MED12L: variants seen among roughly 807,000 people sequenced by gnomAD.
MED12L encodes the protein mediator complex subunit 12L.
Under a neutral mutation model 281.3 loss-of-function variants are expected in MED12L, and 60 were observed. The observed-to-expected ratio is 0.21, with a 90% CI of 0.17 to 0.26. The LOEUF (loss-of-function observed/expected upper bound fraction) is 0.26, where lower values mean the gene tolerates loss of function less well. MED12L is among the 10% of genes least tolerant of loss of function. The pLI, the probability that MED12L is intolerant of heterozygous loss-of-function variation, is 1.00. For synonymous variants in MED12L, 974 were observed against 987.2 expected, an observed-to-expected ratio of 0.99 and a Z score of 0.25; for missense variants, 2,146 against 2,680.9, an observed-to-expected ratio of 0.80 and a Z score of 4.41.
chr3:151,376,703 A>G (rs1756897712), intron 28 of MED12L, 97 bp from the exon 29 acceptor site: 1 of 987,446 alleles, frequency 1.0e-6, no homozygotes, highest in Non-Finnish European at 1.6e-6. Flanking sequence ...GTGTATGATT[A>G]TTCTGCTCTT....
chr3:151,206,071 ATTTTTTT>A (rs60866327), intron 16 of MED12L, among the ~76,000 whole-genome samples: 92 of 124,180 alleles, frequency 7.4e-4, no homozygotes, highest in South Asian at 2.6e-3. Flanking sequence ...AAAGAAAATA[ATTTTTTT>A]TTTTTTTTTT....
At chr3:151,115,304 CTG>C (rs1442193280) in intron 2 of MED12L, among the ~76,000 whole-genome samples, 2 of 135,374 alleles carry the variant, frequency 1.5e-5, no homozygotes, top group Non-Finnish European at 3.1e-5. Context: ...GAGAAACAAA[CTG>C]TGGGCTCTCT....
At chr3:151,137,058 A>G (rs1716240149) in intron 5 of MED12L, among the ~76,000 whole-genome samples, 1 of 150,784 alleles carries the variant, frequency 6.6e-6, no homozygotes, top group African/African-American at 2.4e-5. Flanking sequence ...GCTACTCAGG[A>G]GGCTGAGGCA....
chr3:151,359,974 T>C (rs1352252201), intron 20 of MED12L, among the ~76,000 whole-genome samples: 3 of 152,250 alleles, frequency 2.0e-5, no homozygotes, highest in African/African-American at 7.2e-5. Context: ...TTGGTATACA[T>C]AGGGGAATGT....
chr3:151,305,023 A>G (rs1746461132), intron 16 of MED12L, among the ~76,000 whole-genome samples: 1 of 152,152 alleles, frequency 6.6e-6, no homozygotes, highest in Admixed American at 6.5e-5. Flanking sequence ...TTTTGCTCCA[A>G]TAGCTTGCCC....
At chr3:151,173,179 G>T (rs1008170097) in intron 11 of MED12L, among the ~76,000 whole-genome samples, 1 of 151,618 alleles carries the variant, frequency 6.6e-6, no homozygotes, top group African/African-American at 2.4e-5. Context: ...TGAGATGCAC[G>T]TTATTCTTTT....
chr3:151,151,372 C>A (rs547185466), intron 5 of MED12L, among the ~76,000 whole-genome samples: 1 of 152,084 alleles, frequency 6.6e-6, no homozygotes, highest in African/African-American at 2.4e-5. Context: ...GAGATCCTTT[C>A]CTTTGCGTCC....
At chr3:151,281,616 G>A (rs1169162831) in intron 16 of MED12L, among the ~76,000 whole-genome samples, 2 of 152,072 alleles carry the variant, frequency 1.3e-5, no homozygotes, top group African/African-American at 2.4e-5. Flanking sequence ...TTTATCTGTG[G>A]TGTTTTGATT....
intron 16 of MED12L, among the ~76,000 whole-genome samples, chr3:151,219,898 C>A (rs1401632637): frequency 2.2e-5 from 3 of 138,374 alleles, no homozygotes; most frequent in East Asian, 4.6e-4. Flanking sequence ...ATTACCCCCC[C>A]CCCCCCCTTG....
At chr3:151,293,844 A>T (rs999277960) in intron 16 of MED12L, among the ~76,000 whole-genome samples, 1 of 152,144 alleles carries the variant, frequency 6.6e-6, no homozygotes, top group African/African-American at 2.4e-5. Flanking sequence ...TCTCTTTTCT[A>T]TACTTTTTGT....
intron 16 of MED12L, among the ~76,000 whole-genome samples, chr3:151,285,021 C>T (rs1041227730): frequency 6.6e-6 from 1 of 152,166 alleles, no homozygotes; most frequent in Admixed American, 6.5e-5. Context: ...GTTTGTGTCC[C>T]TCTAATATTT....
chr3:151,102,188 C>T (rs1316727190), intron 2 of MED12L, among the ~76,000 whole-genome samples: 1 of 152,140 alleles, frequency 6.6e-6, no homozygotes, highest in African/African-American at 2.4e-5. Context: ...TACTGCTTGT[C>T]CTGTGCTTTA....
chr3:151,255,601 A>G (rs979843395), intron 16 of MED12L, among the ~76,000 whole-genome samples: 2 of 152,108 alleles, frequency 1.3e-5, no homozygotes, highest in Admixed American at 1.3e-4. Context: ...CTTCCCTTCT[A>G]TAGTGGAGCT....
intron 39 of MED12L, among the ~76,000 whole-genome samples, chr3:151,405,785 T>C (rs1443290428): frequency 6.6e-6 from 1 of 152,222 alleles, no homozygotes; most frequent in Non-Finnish European, 1.5e-5. Context: ...CAGATACTAA[T>C]GCTGGCAGGA....
rs868747198 is a variant in MED12L at position 151,134,191 on chromosome 3, T to G, written c.556+6207T>G. On this transcript the variant is annotated intron_variant, in intron 5 of 44. Coordinates refer to ENST00000687756, the MANE Select transcript of MED12L (RefSeq NM_001393769.1). ...CATCCCTTGCTGTTGTGGGGTTGTT[T>G]TTTTTTTTTTTTTGGCCTGTTTGAA... is the stretch of plus-strand genomic sequence containing the variant. Among the ~76,000 whole-genome samples the G allele has an allele frequency of 6.6e-4, 89 of 135,322 alleles. 1 individual carries two copies. The highest frequency in any genetic ancestry group is 2.6e-3 in the African/African-American group (83 of 31,620). 88.8% of individuals were successfully genotyped at this position (135,322 alleles called of 152,430 possible).
chr3:151,360,335 A>G, intron 20 of MED12L, 139 bp from the exon 21 acceptor site: 2 of 721,176 alleles, frequency 2.8e-6, no homozygotes, highest in South Asian at 2.1e-5. Context: ...TGAGTTATTT[A>G]CTATTCTATT....
intron 33 of MED12L, 56 bp downstream of exon 33, chr3:151,382,801 C>A (rs1712626863): frequency 1.4e-6 from 2 of 1,390,430 alleles, no homozygotes; most frequent in Non-Finnish European, 2.0e-6. Flanking sequence ...TGTGAAAATA[C>A]CTCCAGCTTT....
intron 36 of MED12L, among the ~76,000 whole-genome samples, chr3:151,385,683 A>T (rs2108178021): frequency 6.6e-6 from 1 of 151,202 alleles, no homozygotes; most frequent in East Asian, 1.9e-4. Flanking sequence ...ACTACACCCT[A>T]GCCTGGGCAA....
intron 16 of MED12L, among the ~76,000 whole-genome samples, chr3:151,267,876 T>C (rs1740139676): frequency 6.6e-6 from 1 of 152,206 alleles, no homozygotes; most frequent in African/African-American, 2.4e-5. Flanking sequence ...ATACAGTGTT[T>C]GAGAATAGCT....
Sources: gnomAD v4.1 joint callset for allele counts (sites outside exome capture counted in the v4.1 genomes callset) on GRCh38, gnomAD v4.1.1 for gene constraint, MANE v1.5 for transcripts, NCBI Gene and HGNC (gene_info 2026-07-23, HGNC 2026-07-21) for gene names.